Variants in ZNF155 observed in about 807,000 individuals in gnomAD.
ZNF155 encodes the protein zinc finger protein 155.
In ZNF155, 15 loss-of-function variants were observed where a neutral mutation model predicts 11.9. The observed-to-expected ratio is 1.26, with a 90% confidence interval of 0.84 to 1.94. ZNF155 has a LOEUF of 1.94. Ranked by LOEUF, ZNF155 falls within the 30% of genes most tolerant of loss-of-function variation. The pLI, the probability that ZNF155 is intolerant of heterozygous loss-of-function variation, is 0.00. For synonymous variants in ZNF155, 212 were observed against 219.9 expected, an observed-to-expected ratio of 0.96 and a Z score of 0.32; for missense variants, 602 against 639.1, an observed-to-expected ratio of 0.94 and a Z score of 0.63.
chr19:43,985,818 G>A (rs73035922), intron 1 of ZNF155, among the ~76,000 whole-genome samples: 16,413 of 152,140 alleles, frequency 0.11, 1,077 homozygotes, highest in South Asian at 0.15. Context: ...GGGATTACAG[G>A]CGTGAGCCAC....
intron 1 of ZNF155, among the ~76,000 whole-genome samples, chr19:43,987,462 G>C (rs1975502126): frequency 6.6e-6 from 1 of 152,204 alleles, no homozygotes; most frequent in Admixed American, 6.5e-5. Flanking sequence ...TTTAGGTTCA[G>C]ATCATGCATT....
At chr19:43,990,388 A>G (rs780324070) in intron 2 of ZNF155, among the ~76,000 whole-genome samples, 11 of 152,238 alleles carry the variant, frequency 7.2e-5, no homozygotes, top group Non-Finnish European at 1.3e-4. Flanking sequence ...TAGTAACAAC[A>G]GTAAAAAAGA....
At position 43,997,432 on chromosome 19, in the gene ZNF155, G is replaced by T. The variant is rs749491851; in HGVS notation, c.1575G>T (p.Leu525Phe). ...GTGGGAGACGCTACAAGAGGCGCTT[G>T]AATCTGGATATACTTTTATCATTAT... ...EDCGRRYKRR[L>F]NLDILLSLFL... The change falls in exon 5 of 5, where the codon TTG (leucine) becomes TTT (phenylalanine). Residue 525 changes from leucine to phenylalanine, a missense_variant. Physicochemically the swap from Leu to Phe is conservative, Grantham distance 22 (BLOSUM62 0). Coordinates refer to ENST00000270014, the MANE Select transcript of ZNF155 (RefSeq NM_198089.3). 3 of 1,604,098 alleles carry T rather than the reference G, an allele frequency of 1.9e-6. No individual in the cohort carries two copies. Among genetic ancestry groups the T allele is most frequent in the Non-Finnish European group, 2.5e-6 (3 of 1,177,614 alleles).
In ZNF155 at chr19:43,996,480, T is replaced by G. The variant is rs781706581; in HGVS notation, c.623T>G (p.Val208Gly). 8 of 1,614,034 alleles carry G rather than the reference T, an allele frequency of 5.0e-6. No individual in the cohort carries two copies. Among genetic ancestry groups the G allele is most frequent in the Non-Finnish European group, 2.5e-6 (3 of 1,180,028 alleles). The change falls in exon 5 of 5, where the codon GTG becomes GGG. Residue 208 changes from valine (V) to glycine (G), a missense_variant. Transcript: ENST00000270014. The part of the protein sequence containing the change: ...HVGEKLFMCD[V>G]CGKEFSQSSH... ...GGAGAGAAACTCTTTATGTGTGATG[T>G]GTGTGGCAAGGAATTTAGTCAAAGC...
chr19:43,989,618 G>A (rs1975584991), intron 2 of ZNF155, among the ~76,000 whole-genome samples: 2 of 152,258 alleles, frequency 1.3e-5, no homozygotes, highest in Non-Finnish European at 1.5e-5. Flanking sequence ...GTGGAGTGAT[G>A]GTGTCCCTAG....
At chr19:43,994,067 G>A (rs1975752250) in intron 4 of ZNF155, among the ~76,000 whole-genome samples, 1 of 152,116 alleles carries the variant, frequency 6.6e-6, no homozygotes, top group South Asian at 2.1e-4. Context: ...AATGTTTATT[G>A]CAGAGTTTAA....
At chr19:43,994,928 C>T (rs1043306135) in intron 4 of ZNF155, among the ~76,000 whole-genome samples, 1 of 152,192 alleles carries the variant, frequency 6.6e-6, no homozygotes, top group African/African-American at 2.4e-5. Context: ...CTCCCACTCC[C>T]AATCCCCCAA....
At position 43,997,674 on chromosome 19, in the gene ZNF155, C is replaced by G; in HGVS notation, c.*200C>G. ...GACCCCCAGCCAAACGGGTCAGTGT[C>G]TCATCCCCACATAACACAAAAAGCA... On this transcript the variant is annotated 3_prime_UTR_variant, in exon 5 of 5. Coordinates refer to ENST00000270014, the MANE Select transcript of ZNF155 (RefSeq NM_198089.3). The G allele has an allele frequency of 1.9e-6, 1 of 537,136 alleles. No individual in the cohort carries two copies. Among genetic ancestry groups the G allele is most frequent in the Non-Finnish European group, 3.2e-6 (1 of 309,634 alleles). 33.3% of individuals were successfully genotyped at this position (537,136 alleles called of 1,614,324 possible). A position where few individuals can be genotyped will look rare whatever the true frequency, so the allele number is the denominator to read the frequency against.
intron 1 of ZNF155, among the ~76,000 whole-genome samples, chr19:43,985,338 G>A (rs939431080): frequency 2.6e-5 from 4 of 152,098 alleles, no homozygotes; most frequent in Admixed American, 6.5e-5. Context: ...TGGAATTACA[G>A]GTGTGAGCCA....
At position 43,997,190 on chromosome 19, in the gene ZNF155, T is replaced by A. The variant is rs773281921; in HGVS notation, c.1333T>A (p.Leu445Met). 8.4e-5 allele frequency: 136 copies of A among 1,613,972 alleles called. No individual in the cohort carries two copies. The highest frequency in any genetic ancestry group is 1.1e-4 in the East Asian group (5 of 44,856). The change falls in exon 5 of 5, where the codon TTG becomes ATG. Residue 445 changes from leucine (L) to methionine (M), a missense_variant. Physicochemically the swap from Leu to Met is conservative, Grantham distance 15 (BLOSUM62 2). Coordinates refer to ENST00000270014, the MANE Select transcript of ZNF155 (RefSeq NM_198089.3). ...KGYVTKFNLD[L>M]HQRVHTGERP... is the part of the protein sequence containing the mutation. ...CTATGTTACTAAGTTTAATCTTGAC[T>A]TGCACCAGAGGGTCCACACGGGAGA...
At chr19:43,989,945 C>A in intron 2 of ZNF155, 1 of 928,076 alleles carries the variant, frequency 1.1e-6, no homozygotes, top group Non-Finnish European at 1.5e-6. Flanking sequence ...GTAGAGATGG[C>A]CAATAACCTT....
chr19:43,986,382 G>A (rs1198543955), intron 1 of ZNF155, among the ~76,000 whole-genome samples: 1 of 150,936 alleles, frequency 6.6e-6, no homozygotes, highest in Non-Finnish European at 1.5e-5. Context: ...TTTAAATACT[G>A]CTAATAGAGA....
intron 4 of ZNF155, among the ~76,000 whole-genome samples, chr19:43,995,228 C>G (rs1975798511): frequency 6.6e-6 from 1 of 152,058 alleles, no homozygotes; most frequent in African/African-American, 2.4e-5. Context: ...TCTCCTGCCT[C>G]AGCCTCCTGA....
rs1975538568 is a variant in ZNF155 at position 43,988,463 on chromosome 19, T to C, written c.-81T>C. 6.8e-7 allele frequency: 1 copy of C among 1,463,566 alleles called. No homozygotes were observed. The highest frequency in any genetic ancestry group is 9.4e-7 in the Non-Finnish European group (1 of 1,067,486). The allele number at this position is 1,463,566 out of a possible 1,614,324, so 90.7% of individuals were successfully genotyped here. A position where few individuals can be genotyped will look rare whatever the true frequency, so the allele number is the denominator to read the frequency against. On this transcript the variant is annotated 5_prime_UTR_variant, in exon 2 of 5. Transcript: ENST00000270014. ...CACATCTCTCTTTTTCTGCAGACTG[T>C]GGCACGTTTCAGGCAGGATTCCTCC...
At chr19:43,987,298 T>C (rs1441387572) in intron 1 of ZNF155, among the ~76,000 whole-genome samples, 1 of 152,214 alleles carries the variant, frequency 6.6e-6, no homozygotes. Flanking sequence ...TAAAGTCTAA[T>C]TATATGCATT....
At chr19:43,988,718 G>GT (rs1975551185) in intron 2 of ZNF155, 160 bp downstream of exon 2, 2 of 659,148 alleles carry the variant, frequency 3.0e-6, no homozygotes, top group Non-Finnish European at 4.5e-6. Flanking sequence ...ACTGCATTTG[G>GT]TTTTTGGTTT....
chr19:43,997,762 G>T lies in ZNF155; in HGVS notation c.*288G>T. The T allele has an allele frequency of 3.1e-6, 1 of 320,052 alleles. No homozygotes were observed. Among genetic ancestry groups the T allele is most frequent in the South Asian group, 4.8e-5 (1 of 20,862 alleles). 19.8% of individuals were successfully genotyped at this position (320,052 alleles called of 1,614,324 possible). On this transcript the variant is annotated 3_prime_UTR_variant, in exon 5 of 5. Coordinates refer to ENST00000270014, the MANE Select transcript of ZNF155 (RefSeq NM_198089.3). ...GGAACTAGCACAGGGGATTGTGCCT[G>T]GAGACATGCCCATGGCTGCACAGAT...
intron 4 of ZNF155, 24 bp downstream of exon 4, chr19:43,991,958 C>T: frequency 6.3e-7 from 1 of 1,598,802 alleles, no homozygotes; most frequent in East Asian, 2.2e-5. Flanking sequence ...ATCTGTGTGT[C>T]CTTGTACCTG....
At chr19:43,995,092 T>G (rs972228565) in intron 4 of ZNF155, among the ~76,000 whole-genome samples, 1 of 151,764 alleles carries the variant, frequency 6.6e-6, no homozygotes, top group African/African-American at 2.4e-5. Context: ...TCCCAACCTC[T>G]TTTTGGTTAG....
Sources: gnomAD v4.1 joint callset for allele counts (sites outside exome capture counted in the v4.1 genomes callset) on GRCh38, gnomAD v4.1.1 for gene constraint, MANE v1.5 for transcripts, NCBI Gene and HGNC (gene_info 2026-07-23, HGNC 2026-07-21) for gene names.